Variants in RABGAP1 observed in about 807,000 individuals in gnomAD.
RABGAP1 encodes rab GTPase-activating protein 1.
A neutral mutation model predicts 137.6 loss-of-function variants in RABGAP1; 23 were observed. The observed-to-expected ratio is 0.17, with a 90% confidence interval of 0.12 to 0.24. The LOEUF is 0.24. Among genes scored for constraint, RABGAP1 ranks in the 10% least tolerant of loss-of-function variants. RABGAP1 has a pLI of 1.00. For missense variants in RABGAP1, 906 were observed against 1,275.8 expected, an observed-to-expected ratio of 0.71 and a Z score of 4.42; for synonymous variants, 451 against 450.7, an observed-to-expected ratio of 1.00 and a Z score of -0.01.
intron 13 of RABGAP1, among the ~76,000 whole-genome samples, chr9:123,043,362 G>A (rs2033045158): frequency 6.6e-6 from 1 of 152,122 alleles, no homozygotes; most frequent in Admixed American, 6.5e-5. Context: ...TAGGAGGTAT[G>A]TCTCTAGGAA....
chr9:122,934,779 T>A, the RABGAP1 span, among the ~76,000 whole-genome samples: 1 of 152,150 alleles, frequency 6.6e-6, no homozygotes, highest in Non-Finnish European at 1.5e-5. Context: ...TCTCATGGGT[T>A]GAAGCGATTC....
intron 13 of RABGAP1, among the ~76,000 whole-genome samples, chr9:123,065,096 C>G (rs1482378639): frequency 6.6e-6 from 1 of 152,160 alleles, no homozygotes; most frequent in Non-Finnish European, 1.5e-5. Flanking sequence ...CAGTTCTTTG[C>G]AGTAAGGATG....
intron 2 of RABGAP1, among the ~76,000 whole-genome samples, chr9:122,965,528 C>T (rs764965979): frequency 9.2e-5 from 14 of 152,114 alleles, no homozygotes; most frequent in Non-Finnish European, 1.8e-4. Context: ...GGATTACAGG[C>T]ATGCACCACC....
chr9:122,973,735 C>T (rs145737110), intron 2 of RABGAP1, among the ~76,000 whole-genome samples: 2,193 of 152,042 alleles, frequency 0.014, 19 homozygotes, highest in Middle Eastern at 0.024. Flanking sequence ...ATCTGCTGGA[C>T]GTGGTGGCTC....
intron 4 of RABGAP1, among the ~76,000 whole-genome samples, chr9:122,987,617 T>C (rs1836439252): frequency 6.6e-6 from 1 of 152,148 alleles, no homozygotes; most frequent in South Asian, 2.1e-4. Context: ...TAATTTATGA[T>C]GGCATATGAA....
At chr9:123,005,668 G>A (rs1470374770) in intron 10 of RABGAP1, among the ~76,000 whole-genome samples, 3 of 152,148 alleles carry the variant, frequency 2.0e-5, no homozygotes, top group Non-Finnish European at 2.9e-5. Flanking sequence ...GCTATTGATG[G>A]ACACTTGGAC....
At chr9:123,018,862 G>A (rs889295415) in intron 12 of RABGAP1, among the ~76,000 whole-genome samples, 3 of 152,166 alleles carry the variant, frequency 2.0e-5, no homozygotes, top group African/African-American at 7.2e-5. Flanking sequence ...GATAGCCACA[G>A]CATCTTCTTA....
Position 123,070,286 on chromosome 9 carries a change from G to A in RABGAP1, c.1909-64G>A. 1 of 1,607,994 alleles carries A rather than the reference G, an allele frequency of 6.2e-7. No individual in the cohort carries two copies. The highest frequency in any genetic ancestry group is 8.5e-7 in the Non-Finnish European group (1 of 1,177,184). ...AGGGTTCTGTATTCAAGGTCCTATA[G>A]TGCCACCATGGCCCACAAGTGGCTA... On this transcript the variant is annotated intron_variant, in intron 14 of 25. Transcript: ENST00000373647. This position sits in a 1 kb window ranked among gnomAD's most constrained non-coding sequence, Gnocchi z 4.4.
chr9:123,067,550 C>T (rs1214439595), intron 14 of RABGAP1, among the ~76,000 whole-genome samples: 3 of 152,196 alleles, frequency 2.0e-5, no homozygotes, highest in Non-Finnish European at 4.4e-5. Flanking sequence ...GCCCTTATTG[C>T]TGCTTCTCCA....
At position 123,074,413 on chromosome 9, in the gene RABGAP1, C is replaced by T. The variant is rs202105723; in HGVS notation, c.2238C>T (p.Asp746=). ...TCTACATGGTCTTCCATATCATCGA[C>T]CTGCTTTTATGTGAGGTATGTATCA... ...FPLYMVFHII[D]LLLCEGISVI... The change falls in exon 17 of 26, where the codon GAC becomes GAT. Residue 746 remains aspartate, a synonymous_variant. Transcript: ENST00000373647. 5.6e-6 allele frequency: 9 copies of T among 1,613,130 alleles called. No individual in the cohort carries two copies. Among genetic ancestry groups the T allele is most frequent in the Admixed American group, 1.7e-5 (1 of 59,974 alleles).
chr9:122,960,970 TACTC>T (rs1360135823), intron 2 of RABGAP1, among the ~76,000 whole-genome samples: 3 of 151,960 alleles, frequency 2.0e-5, no homozygotes, highest in African/African-American at 4.8e-5. Flanking sequence ...CAGTAGAAAT[TACTC>T]AAAGAACATG....
In RABGAP1 at chr9:122,996,530, T is replaced by C. The variant is rs1435613384; in HGVS notation, c.1035-9T>C. ...TTTTCTTAAATTTATGTCAGTTCTTTTTTTGTAGGTGTTTTGGTCTTCTCC... is the reference window on the plus strand; with the variant it reads ...TTTTCTTAAATTTATGTCAGTTCTTCTTTTGTAGGTGTTTTGGTCTTCTCC... On this transcript the variant is annotated splice_polypyrimidine_tract_variant and intron_variant, in intron 7 of 25. Coordinates refer to ENST00000373647, the MANE Select transcript of RABGAP1 (RefSeq NM_012197.4). 6.3e-7 allele frequency: 1 copy of C among 1,597,196 alleles called. No individual in the cohort carries two copies. The highest frequency in any genetic ancestry group is 8.5e-7 in the Non-Finnish European group (1 of 1,173,408).
intron 10 of RABGAP1, among the ~76,000 whole-genome samples, chr9:123,006,682 A>G (rs2030303502): frequency 6.6e-6 from 1 of 152,208 alleles, no homozygotes; most frequent in Non-Finnish European, 1.5e-5. Flanking sequence ...ATCTTGGCTC[A>G]CTGCAGCCTC....
chr9:123,058,322 T>A (rs1323795483), intron 13 of RABGAP1, among the ~76,000 whole-genome samples: 1 of 152,056 alleles, frequency 6.6e-6, no homozygotes, highest in Non-Finnish European at 1.5e-5. Context: ...TATTTTGTAG[T>A]TAGCAAAAAA....
At chr9:123,081,616 T>C (rs1263132861) in intron 19 of RABGAP1, among the ~76,000 whole-genome samples, 1 of 152,010 alleles carries the variant, frequency 6.6e-6, no homozygotes, top group Non-Finnish European at 1.5e-5. Flanking sequence ...TTTTTTTTTT[T>C]ATTTTGTGTA....
rs1327837520 is a variant in RABGAP1, at chr9:123,065,462, G to A, written c.1908+1G>A. The A allele has an allele frequency of 6.4e-7, 1 of 1,564,228 alleles. No homozygotes were observed. The highest frequency in any genetic ancestry group is 8.8e-7 in the Non-Finnish European group (1 of 1,136,160). On this transcript the variant is annotated splice_donor_variant, in intron 14 of 25. Transcript: ENST00000373647. LOFTEE classifies it high-confidence loss of function. ...AGATTCCTTATATAAAATATGCAAGGTATTTCATGTCAAAAAAAAAAAGGA... is the reference window on the plus strand; with the variant it reads ...AGATTCCTTATATAAAATATGCAAGATATTTCATGTCAAAAAAAAAAAGGA...
intron 2 of RABGAP1, among the ~76,000 whole-genome samples, chr9:122,961,033 ATT>A (rs2131639015): frequency 6.6e-6 from 1 of 152,292 alleles, no homozygotes; most frequent in East Asian, 1.9e-4. Context: ...ATGGGAAACT[ATT>A]AAGTGTACCA....
chr9:123,026,012 T>C (rs1017745719), intron 13 of RABGAP1, among the ~76,000 whole-genome samples: 1 of 151,422 alleles, frequency 6.6e-6, no homozygotes, highest in Non-Finnish European at 1.5e-5. Context: ...ATTCTTTTTT[T>C]TTTTTTTTTT....
chr9:123,042,327 A>G (rs2032991587), intron 13 of RABGAP1, among the ~76,000 whole-genome samples: 1 of 152,202 alleles, frequency 6.6e-6, no homozygotes, highest in Non-Finnish European at 1.5e-5. Context: ...CACTTTTAAT[A>G]TTAACAGACA....
Sources: gnomAD v4.1 joint callset for allele counts (sites outside exome capture counted in the v4.1 genomes callset) on GRCh38, gnomAD v4.1.1 for gene constraint, Gnocchi (gnomAD v3.1) non-coding constraint, MANE v1.5 for transcripts, NCBI Gene and HGNC (gene_info 2026-07-23, HGNC 2026-07-21) for gene names.